RBFOX1: variants seen among roughly 807,000 people sequenced by gnomAD.
RBFOX1 encodes RNA binding fox-1 homolog 1.
Under a neutral mutation model 57.7 loss-of-function variants are expected in RBFOX1, and 8 were observed. The observed-to-expected ratio is 0.14, with a 90% CI of 0.08 to 0.25. RBFOX1 has a LOEUF of 0.25. Ranked by LOEUF, RBFOX1 falls within the 10% of genes least tolerant of loss-of-function variation. The probability of loss-of-function intolerance (pLI) is 1.00; values close to 1 mark genes in which losing one functional copy is unlikely to be tolerated. For missense variants in RBFOX1, 611 were observed against 548.5 expected, an observed-to-expected ratio of 1.11 and a Z score of -1.14; for synonymous variants, 326 against 222.4, an observed-to-expected ratio of 1.47 and a Z score of -4.15.
In RBFOX1 at chr16:6,847,561, G is replaced by T. The variant is rs891590676; in HGVS notation, c.-16+192911G>T. Among the ~76,000 whole-genome samples, 3 of 152,122 alleles carry T rather than the reference G, an allele frequency of 2.0e-5. No homozygotes were observed. In the East Asian group the frequency reaches 5.8e-4, roughly 30 times the overall value. The stretch of plus-strand genomic sequence containing the variant: ...GCACAGTCAAGGTGTAGGGAAGTGT[G>T]GTCCATGGTCAGTCGCTGAAAAGTT... On this transcript the variant is annotated intron_variant, in intron 3 of 15. Coordinates refer to ENST00000550418, the MANE Select transcript of RBFOX1 (RefSeq NM_018723.4).
Position 7,078,440 on chromosome 16 carries a change from C to A in RBFOX1, c.27+26342C>A, listed in dbSNP as rs557183751. 5.3e-4 allele frequency among the ~76,000 whole-genome samples: 81 copies of A among 152,212 alleles called. 1 individual carries two copies. Among genetic ancestry groups the A allele is most frequent in the South Asian group, 2.1e-3 (10 of 4,814 alleles). ...TTGGCTCACTGAAACCTCCGCCTCC[C>A]GGATTCAAGCGGTTCTCCTACCTCA... On this transcript the variant is annotated intron_variant, in intron 4 of 15. Transcript: ENST00000550418.
chr16:6,966,981 T>C (rs904535871), intron 3 of RBFOX1, among the ~76,000 whole-genome samples: 2 of 152,050 alleles, frequency 1.3e-5, no homozygotes, highest in African/African-American at 4.8e-5. Flanking sequence ...CATTCATCCA[T>C]CATCTACTTA....
chr16:7,412,406 T>G (rs545330899), intron 4 of RBFOX1, among the ~76,000 whole-genome samples: 1 of 93,274 alleles, frequency 1.1e-5, no homozygotes, highest in African/African-American at 4.2e-5. Context: ...CAGAGTGACA[T>G]TCTGCCAAAA....
intron 2 of RBFOX1, among the ~76,000 whole-genome samples, chr16:6,405,540 T>C (rs1348130063): frequency 6.6e-6 from 1 of 152,182 alleles, no homozygotes; most frequent in Non-Finnish European, 1.5e-5. Context: ...GATCCATGCT[T>C]AGGCCTGCAA....
intron 3 of RBFOX1, among the ~76,000 whole-genome samples, chr16:6,928,521 C>G (rs1213868132): frequency 6.6e-6 from 1 of 152,084 alleles, no homozygotes; most frequent in Admixed American, 6.5e-5. Flanking sequence ...CACCTCTTGT[C>G]TTCTCTAATC....
intron 4 of RBFOX1, among the ~76,000 whole-genome samples, chr16:7,374,842 GAA>G (rs2097654385): frequency 6.6e-6 from 1 of 152,150 alleles, no homozygotes; most frequent in East Asian, 1.9e-4. Flanking sequence ...TGCGTATTTT[GAA>G]ATAGGTGGTG....
chr16:5,931,025 G>C (rs1414363650), intron 4 of RBFOX1, among the ~76,000 whole-genome samples: 6 of 152,024 alleles, frequency 3.9e-5, no homozygotes, highest in African/African-American at 1.5e-4. Context: ...TGGATGGATA[G>C]ATGAGAAGTA....
intron 2 of RBFOX1, among the ~76,000 whole-genome samples, chr16:6,640,118 C>T (rs1434667884): frequency 6.6e-6 from 1 of 152,074 alleles, no homozygotes; most frequent in Non-Finnish European, 1.5e-5. Context: ...AAACAGGGTA[C>T]ACTGGTTTCT....
At chr16:5,286,473 C>A (rs999725436) in intron 1 of RBFOX1, among the ~76,000 whole-genome samples, 5 of 152,164 alleles carry the variant, frequency 3.3e-5, no homozygotes, top group African/African-American at 1.2e-4. Context: ...CCAGATGGTA[C>A]ATTCAGGCAC....
chr16:6,199,892 C>T (rs1478186490), intron 1 of RBFOX1, among the ~76,000 whole-genome samples: 11 of 152,168 alleles, frequency 7.2e-5, no homozygotes, highest in Admixed American at 7.2e-4. Flanking sequence ...AAGAAAAACA[C>T]ATAAGTTATG....
chr16:6,540,140 TTCTG>T (rs1370774161), intron 2 of RBFOX1, among the ~76,000 whole-genome samples: 1 of 152,124 alleles, frequency 6.6e-6, no homozygotes, highest in African/African-American at 2.4e-5. Flanking sequence ...AATGACCTGA[TTCTG>T]TATGTGGCTT....
At chr16:6,963,038 A>G (rs2083351605) in intron 3 of RBFOX1, among the ~76,000 whole-genome samples, 1 of 152,106 alleles carries the variant, frequency 6.6e-6, no homozygotes, top group African/African-American at 2.4e-5. Flanking sequence ...GATTTGAAAC[A>G]CAGTCACTGT....
chr16:5,783,996 T>C (rs1216635042), intron 3 of RBFOX1, among the ~76,000 whole-genome samples: 7 of 152,214 alleles, frequency 4.6e-5, no homozygotes, highest in Non-Finnish European at 5.9e-5. Context: ...AAAACTTACC[T>C]GAGACTGGGT....
intron 2 of RBFOX1, among the ~76,000 whole-genome samples, chr16:5,495,536 C>T (rs184789458): frequency 2.6e-5 from 4 of 152,182 alleles, no homozygotes; most frequent in Admixed American, 2.6e-4. Context: ...TATCAACTAG[C>T]AAACAGGAAA....
At chr16:6,928,565 A>T (rs377309141) in intron 3 of RBFOX1, among the ~76,000 whole-genome samples, 1 of 152,076 alleles carries the variant, frequency 6.6e-6, no homozygotes, top group African/African-American at 2.4e-5. Context: ...GGCCCAAGGA[A>T]ATTATAAATT....
At chr16:5,625,626 T>C (rs2048328310) in intron 3 of RBFOX1, among the ~76,000 whole-genome samples, 1 of 152,048 alleles carries the variant, frequency 6.6e-6, no homozygotes, top group East Asian at 1.9e-4. Context: ...GGTGCAATCT[T>C]GGCTTACTGC....
At chr16:7,043,132 C>T (rs934389921) in intron 3 of RBFOX1, among the ~76,000 whole-genome samples, 1 of 148,010 alleles carries the variant, frequency 6.8e-6, no homozygotes, top group Non-Finnish European at 1.5e-5. Flanking sequence ...TCCCGCCCAA[C>T]TCCTATTTAC....
chr16:7,477,239 C>A (rs922516695), intron 4 of RBFOX1, among the ~76,000 whole-genome samples: 10 of 152,046 alleles, frequency 6.6e-5, no homozygotes, highest in African/African-American at 2.4e-4. Context: ...AATAAGACAT[C>A]GATGCAAATA....
At chr16:7,145,142 A>T (rs888007543) in intron 4 of RBFOX1, among the ~76,000 whole-genome samples, 1 of 152,150 alleles carries the variant, frequency 6.6e-6, no homozygotes, top group Non-Finnish European at 1.5e-5. Context: ...GTTTTGCTGC[A>T]AGCAGGGGGT....
Sources: allele counts gnomAD v4.1 joint callset (sites outside exome capture counted in the v4.1 genomes callset), GRCh38; gene constraint gnomAD v4.1.1; transcripts MANE v1.5; gene names NCBI Gene and HGNC (gene_info 2026-07-23, HGNC 2026-07-21).